The following PRKG1 variants were observed in gnomAD, a reference collection of about 807,000 sequenced individuals.
The protein encoded by PRKG1 is protein kinase cGMP-dependent 1, also known as cGMP-dependent protein kinase 1.
A neutral mutation model predicts 88.1 loss-of-function variants in PRKG1; 35 were observed. That is an observed-to-expected ratio of 0.40 (90% CI 0.30 to 0.53). The LOEUF (loss-of-function observed/expected upper bound fraction) is 0.53, where lower values mean the gene tolerates loss of function less well. Among genes scored for constraint, PRKG1 ranks in the 20% least tolerant of loss-of-function variants. The pLI is 0.59. For synonymous variants in PRKG1, 303 were observed against 292.5 expected, an observed-to-expected ratio of 1.04 and a Z score of -0.37; for missense variants, 540 against 839.8, an observed-to-expected ratio of 0.64 and a Z score of 4.41.
chr10:51,760,970 CCCAGT>C (rs1287639831), intron 3 of PRKG1, among the ~76,000 whole-genome samples: 3 of 152,102 alleles, frequency 2.0e-5, no homozygotes, highest in South Asian at 4.1e-4. Flanking sequence ...CAAAAATTAG[CCCAGT>C]CTGGTGTGCA....
intron 3 of PRKG1, among the ~76,000 whole-genome samples, chr10:51,548,768 C>CA (rs1179558845): frequency 6.6e-6 from 1 of 152,026 alleles, no homozygotes; most frequent in Non-Finnish European, 1.5e-5. Context: ...AACACAATTT[C>CA]AAAACTTGGT....
intron 5 of PRKG1, among the ~76,000 whole-genome samples, chr10:51,921,280 A>G (rs924482646): frequency 1.5e-4 from 23 of 152,242 alleles, no homozygotes; most frequent in African/African-American, 5.5e-4. Context: ...CTACCTTTCT[A>G]TAATCACTTA....
intron 3 of PRKG1, among the ~76,000 whole-genome samples, chr10:51,630,822 T>C (rs1284164159): frequency 6.6e-6 from 1 of 152,210 alleles, no homozygotes; most frequent in Non-Finnish European, 1.5e-5. Context: ...GGCAGGATCA[T>C]CTGTTTACCA....
intron 3 of PRKG1, among the ~76,000 whole-genome samples, chr10:51,744,257 A>G (rs1021981536): frequency 6.6e-6 from 1 of 152,202 alleles, no homozygotes; most frequent in African/African-American, 2.4e-5. Flanking sequence ...TAAGGAGACC[A>G]GAGCACTGAA....
intron 4 of PRKG1, among the ~76,000 whole-genome samples, chr10:51,828,291 T>C (rs912568398): frequency 6.6e-6 from 1 of 152,070 alleles, no homozygotes; most frequent in African/African-American, 2.4e-5. Context: ...CAGGAAAGTA[T>C]ATTTCATAAT....
At chr10:51,596,652 A>C (rs1049903081) in intron 3 of PRKG1, among the ~76,000 whole-genome samples, 2 of 152,152 alleles carry the variant, frequency 1.3e-5, no homozygotes, top group South Asian at 4.1e-4. Flanking sequence ...TGTCCAGCGT[A>C]GTATATTTTT....
chr10:51,195,369 A>C (rs1837736572), intron 2 of PRKG1, among the ~76,000 whole-genome samples: 1 of 152,192 alleles, frequency 6.6e-6, no homozygotes, highest in Non-Finnish European at 1.5e-5. Context: ...GTCAGTTTTC[A>C]ATTTTTTAAT....
intron 2 of PRKG1, among the ~76,000 whole-genome samples, chr10:51,227,289 A>G (rs900928595): frequency 1.3e-5 from 2 of 152,028 alleles, no homozygotes; most frequent in African/African-American, 4.8e-5. Flanking sequence ...AAAAGAGAAA[A>G]TAGTGAATGA....
At chr10:52,073,376 C>T (rs943137211) in intron 7 of PRKG1, among the ~76,000 whole-genome samples, 4 of 152,128 alleles carry the variant, frequency 2.6e-5, no homozygotes, top group Admixed American at 6.5e-5. Flanking sequence ...AAGCAAATCG[C>T]GTCATGCCAC....
chr10:52,206,306 A>G (rs542878611), intron 9 of PRKG1, among the ~76,000 whole-genome samples: 1 of 151,872 alleles, frequency 6.6e-6, no homozygotes, highest in Admixed American at 6.6e-5. Flanking sequence ...TTCAGCTCCT[A>G]TATTGTTTTA....
intron 3 of PRKG1, among the ~76,000 whole-genome samples, chr10:51,693,573 T>C (rs1841203854): frequency 6.6e-6 from 1 of 151,960 alleles, no homozygotes. Flanking sequence ...GGCTAATTTT[T>C]GTATTTTTAG....
rs145413435 is a variant in PRKG1 at position 51,129,785 on chromosome 10, T to A, written c.312-23379T>A. ...GTTGCCACAATATTCTCCAATCTCT[T>A]TTCTCATTTGTGATGACTTCCCTAG... On this transcript the variant is annotated intron_variant, in intron 1 of 17. Coordinates refer to ENST00000373980, the MANE Select transcript of PRKG1 (RefSeq NM_006258.4). 2.1e-3 allele frequency among the ~76,000 whole-genome samples: 315 copies of A among 152,316 alleles called. 1 individual carries two copies. The highest frequency in any genetic ancestry group is 7.3e-3 in the African/African-American group (305 of 41,570).
At chr10:51,215,012 A>G (rs1210960724) in intron 2 of PRKG1, among the ~76,000 whole-genome samples, 1 of 152,138 alleles carries the variant, frequency 6.6e-6, no homozygotes, top group Non-Finnish European at 1.5e-5. Flanking sequence ...CCCTCAACTC[A>G]TTGGCTGAAG....
intron 3 of PRKG1, among the ~76,000 whole-genome samples, chr10:51,724,072 G>A (rs1215326411): frequency 6.6e-6 from 1 of 152,100 alleles, no homozygotes; most frequent in Non-Finnish European, 1.5e-5. Context: ...ACTAGGTGGG[G>A]AAGATCTGCC....
At chr10:51,718,063 G>A (rs1841927785) in intron 3 of PRKG1, among the ~76,000 whole-genome samples, 1 of 152,082 alleles carries the variant, frequency 6.6e-6, no homozygotes, top group African/African-American at 2.4e-5. Flanking sequence ...AGTTCTGAGC[G>A]CTAGGTGTTG....
At chr10:52,008,395 G>T (rs1443047605) in intron 5 of PRKG1, among the ~76,000 whole-genome samples, 2 of 151,936 alleles carry the variant, frequency 1.3e-5, no homozygotes, top group African/African-American at 4.8e-5. Flanking sequence ...ATAAAGAGAA[G>T]AAGAGAGAAG....
chr10:51,754,787 G>C (rs1837814629), intron 3 of PRKG1, among the ~76,000 whole-genome samples: 1 of 152,116 alleles, frequency 6.6e-6, no homozygotes, highest in African/African-American at 2.4e-5. Context: ...ATGAATTTCA[G>C]ATAAACTATT....
intron 2 of PRKG1, among the ~76,000 whole-genome samples, chr10:51,352,400 T>A (rs936588109): frequency 6.6e-6 from 1 of 152,184 alleles, no homozygotes; most frequent in Non-Finnish European, 1.5e-5. Flanking sequence ...TTTTTCCATT[T>A]GTTTGTGTCC....
intron 4 of PRKG1, among the ~76,000 whole-genome samples, chr10:51,844,764 CA>C (rs1342164993): frequency 6.6e-6 from 1 of 152,054 alleles, no homozygotes; most frequent in Non-Finnish European, 1.5e-5. Context: ...AAGTTAAATT[CA>C]AGATCAAGAC....
Sources: allele counts gnomAD v4.1 joint callset (sites outside exome capture counted in the v4.1 genomes callset), GRCh38; gene constraint gnomAD v4.1.1; transcripts MANE v1.5; gene names NCBI Gene and HGNC (gene_info 2026-07-23, HGNC 2026-07-21).